The following PRIM2 variants were observed in gnomAD, a reference collection of about 807,000 sequenced individuals.
The protein encoded by PRIM2 is DNA primase large subunit.
PRIM2 carries 39 observed loss-of-function variants against 67.3 expected under a neutral mutation model. That is an observed-to-expected ratio of 0.58 (90% CI 0.45 to 0.76). The LOEUF (loss-of-function observed/expected upper bound fraction) is 0.76, where lower values mean the gene tolerates loss of function less well. Ranked by LOEUF, PRIM2 falls within the 30% of genes least tolerant of loss-of-function variation. The pLI, the probability that PRIM2 is intolerant of heterozygous loss-of-function variation, is 0.00. For missense variants in PRIM2, 398 were observed against 598.7 expected (o/e 0.66, Z 3.50); for synonymous variants, 143 against 198.7 (o/e 0.72, Z 2.36).
chr6:57,572,182 G>A (rs1468522355), intron 10 of PRIM2, among the ~76,000 whole-genome samples: 1 of 152,102 alleles, frequency 6.6e-6, no homozygotes, highest in African/African-American at 2.4e-5. Context: ...TTTAATTAAT[G>A]AACAAGATGC....
intron 7 of PRIM2, among the ~76,000 whole-genome samples, chr6:57,449,750 T>G (rs1772478034): frequency 6.6e-6 from 1 of 152,170 alleles, no homozygotes; most frequent in Non-Finnish European, 1.5e-5. Flanking sequence ...TCTTTTTTAT[T>G]ATCTGTAACT....
chr6:57,475,783 G>A (rs1219000697), intron 7 of PRIM2, among the ~76,000 whole-genome samples: 2 of 152,130 alleles, frequency 1.3e-5, no homozygotes, highest in Non-Finnish European at 2.9e-5. Context: ...TTTTTATTGA[G>A]TGCCTAACAT....
intron 5 of PRIM2, among the ~76,000 whole-genome samples, chr6:57,370,326 A>G (rs1769502094): frequency 6.6e-6 from 1 of 152,198 alleles, no homozygotes; most frequent in African/African-American, 2.4e-5. Flanking sequence ...GTTTTTAAGG[A>G]GAAAGCAAGA....
At chr6:57,411,779 C>T (rs753958558) in intron 7 of PRIM2, among the ~76,000 whole-genome samples, 17 of 151,850 alleles carry the variant, frequency 1.1e-4, no homozygotes, top group Non-Finnish European at 1.9e-4. Flanking sequence ...CTTTTCCTTT[C>T]ATGTAAGGGC....
intron 5 of PRIM2, among the ~76,000 whole-genome samples, chr6:57,359,481 G>C: frequency 6.6e-6 from 1 of 152,362 alleles, no homozygotes; most frequent in Non-Finnish European, 1.5e-5. Context: ...ACATGGAGTA[G>C]AGACATTGCC....
chr6:57,415,298 A>T (rs1224085071), intron 7 of PRIM2, among the ~76,000 whole-genome samples: 1 of 152,212 alleles, frequency 6.6e-6, no homozygotes, highest in East Asian at 1.9e-4. Context: ...TACATCAAAG[A>T]TATTGCAGGT....
intron 7 of PRIM2, among the ~76,000 whole-genome samples, chr6:57,495,296 G>C (rs1164853603): frequency 1.3e-5 from 2 of 152,166 alleles, no homozygotes; most frequent in Admixed American, 1.3e-4. Context: ...ATTTCAGTTA[G>C]ATAAATAAAC....
the PRIM2 span, among the ~76,000 whole-genome samples, chr6:57,289,329 T>C: frequency 3.9e-5 from 6 of 152,154 alleles, no homozygotes; most frequent in Non-Finnish European, 7.4e-5. Context: ...CTACATCTGA[T>C]TGGTGTTCCT....
chr6:57,344,936 C>T (rs909747262), intron 5 of PRIM2, among the ~76,000 whole-genome samples: 1 of 152,074 alleles, frequency 6.6e-6, no homozygotes, highest in African/African-American at 2.4e-5. Flanking sequence ...CTAAAATTAT[C>T]ATATGCAGAA....
chr6:57,603,712 T>C (rs1582015132), intron 11 of PRIM2, among the ~76,000 whole-genome samples: 2 of 151,696 alleles, frequency 1.3e-5, no homozygotes, highest in East Asian at 3.9e-4. Flanking sequence ...TTTCTTATTC[T>C]GTGAAAAATG....
chr6:57,394,281 T>A (rs4712158), intron 7 of PRIM2, among the ~76,000 whole-genome samples: 1 of 152,198 alleles, frequency 6.6e-6, no homozygotes, highest in Non-Finnish European at 1.5e-5. Context: ...TATTGATTTT[T>A]CTCCTGCATG....
chr6:57,479,980 A>G (rs1416527857), intron 7 of PRIM2, among the ~76,000 whole-genome samples: 1 of 152,222 alleles, frequency 6.6e-6, no homozygotes, highest in Non-Finnish European at 1.5e-5. Context: ...GAAGAAACCA[A>G]AGAAGGCAAT....
chr6:57,434,218 C>T (rs896431675), intron 7 of PRIM2, among the ~76,000 whole-genome samples: 9 of 127,484 alleles, frequency 7.1e-5, no homozygotes, highest in African/African-American at 2.0e-4. Flanking sequence ...AGCCACCATG[C>T]GCAGACTTCC....
intron 7 of PRIM2, among the ~76,000 whole-genome samples, chr6:57,499,936 C>T (rs1469499111): frequency 3.3e-5 from 5 of 152,180 alleles, no homozygotes; most frequent in African/African-American, 1.2e-4. Flanking sequence ...GTAAATCTCT[C>T]CTGGTCTCTA....
chr6:57,235,190 C>T, the PRIM2 span, among the ~76,000 whole-genome samples: 4 of 152,072 alleles, frequency 2.6e-5, no homozygotes, highest in Admixed American at 1.3e-4. Context: ...ATACCAGGCA[C>T]GGTGGCTCAT....
At chr6:57,314,189 A>T (rs1767437210), upstream of PRIM2, among the ~76,000 whole-genome samples, 2 of 152,204 alleles carry the variant, frequency 1.3e-5, no homozygotes, top group South Asian at 4.2e-4. Flanking sequence ...TGAACCCAGC[A>T]TTTTTTTTCA....
intron 10 of PRIM2, among the ~76,000 whole-genome samples, chr6:57,585,352 G>A (rs1374621164): frequency 6.6e-6 from 1 of 152,284 alleles, no homozygotes; most frequent in African/African-American, 2.4e-5. Context: ...AGTTAAAGTG[G>A]TAAAAACAGA....
intron 8 of PRIM2, among the ~76,000 whole-genome samples, chr6:57,531,573 A>C (rs1325084664): frequency 2.0e-5 from 3 of 152,162 alleles, no homozygotes; most frequent in African/African-American, 7.2e-5. Context: ...GTCAAACATT[A>C]CTGAGGTGGG....
chr6:57,577,531 C>T (rs1174681376), intron 10 of PRIM2, among the ~76,000 whole-genome samples: 14 of 150,328 alleles, frequency 9.3e-5, no homozygotes, highest in East Asian at 5.9e-4. Context: ...TGGGTTCAAG[C>T]GATTCTCCTG....
Sources: allele counts gnomAD v4.1 joint callset (sites outside exome capture counted in the v4.1 genomes callset), GRCh38; gene constraint gnomAD v4.1.1; transcripts MANE v1.5; gene names NCBI Gene and HGNC (gene_info 2026-07-23, HGNC 2026-07-21).